Variants in TMEM108 observed in about 807,000 individuals in gnomAD.
TMEM108 encodes cancer/testis antigen 124.
In TMEM108, 12 loss-of-function variants were observed where a neutral mutation model predicts 35.1. The observed-to-expected ratio is 0.34, with a 90% CI of 0.22 to 0.55. TMEM108 has a LOEUF of 0.55. TMEM108 is among the 20% of genes least tolerant of loss of function. The probability of loss-of-function intolerance (pLI) is 0.89; values close to 1 mark genes in which losing one functional copy is unlikely to be tolerated. For missense variants in TMEM108, 680 were observed against 753.3 expected (o/e 0.90, Z 1.14); for synonymous variants, 287 against 308.6 (o/e 0.93, Z 0.73).
chr3:133,082,462 A>G (rs1390244050), intron 2 of TMEM108, among the ~76,000 whole-genome samples: 4 of 152,160 alleles, frequency 2.6e-5, no homozygotes, highest in African/African-American at 7.2e-5. Flanking sequence ...ACATCATTCA[A>G]TAATAACAAC....
intron 2 of TMEM108, among the ~76,000 whole-genome samples, chr3:133,206,817 G>A (rs1463199010): frequency 6.6e-6 from 1 of 152,208 alleles, no homozygotes; most frequent in African/African-American, 2.4e-5. Flanking sequence ...TCCTTTAGCA[G>A]ATCTTGAGCA....
chr3:133,255,873 C>T (rs1559883931), intron 3 of TMEM108, among the ~76,000 whole-genome samples: 2 of 152,108 alleles, frequency 1.3e-5, no homozygotes, highest in South Asian at 2.1e-4. Context: ...CCTGTCATCC[C>T]AGCTACTCAA....
At chr3:133,073,510 C>CTCTATATATATATATA in intron 2 of TMEM108, among the ~76,000 whole-genome samples, 37 of 43,898 alleles carry the variant, frequency 8.4e-4, no homozygotes, top group South Asian at 1.7e-3. Flanking sequence ...CTCTCTCTCT[C>CTCTATATATATATATA]TATATATATA....
At chr3:133,302,579 G>A (rs1947244336) in intron 3 of TMEM108, among the ~76,000 whole-genome samples, 1 of 151,568 alleles carries the variant, frequency 6.6e-6, no homozygotes, top group South Asian at 2.1e-4. Context: ...CCGCCACCAT[G>A]CCCAGCTAAT....
intron 3 of TMEM108, among the ~76,000 whole-genome samples, chr3:133,272,034 G>C (rs1217021657): frequency 1.3e-5 from 2 of 152,228 alleles, no homozygotes; most frequent in Non-Finnish European, 2.9e-5. Flanking sequence ...TAACTCTGCT[G>C]TAGGAGCTAA....
At chr3:133,282,234 A>G (rs897980975) in intron 3 of TMEM108, among the ~76,000 whole-genome samples, 1 of 152,154 alleles carries the variant, frequency 6.6e-6, no homozygotes, top group Non-Finnish European at 1.5e-5. Flanking sequence ...ACTCCAGCTG[A>G]GTTTTCTTGG....
chr3:133,259,712 G>A (rs1946598226), intron 3 of TMEM108, among the ~76,000 whole-genome samples: 1 of 152,198 alleles, frequency 6.6e-6, no homozygotes, highest in African/African-American at 2.4e-5. Flanking sequence ...CCGATACAGG[G>A]CCCAGTGGCC....
At chr3:133,192,705 G>C (rs1429283567) in intron 2 of TMEM108, 1 of 152,356 alleles carries the variant, frequency 6.6e-6, no homozygotes, top group African/African-American at 2.4e-5. Context: ...GACATTTCCT[G>C]TGGGGAGTTA....
At chr3:133,150,928 G>A (rs563648121) in intron 2 of TMEM108, among the ~76,000 whole-genome samples, 7 of 152,152 alleles carry the variant, frequency 4.6e-5, no homozygotes, top group Admixed American at 6.5e-5. Context: ...AACATTTCCT[G>A]GTCAGTCCCC....
At chr3:133,315,184 AG>A (rs1384626946) in intron 3 of TMEM108, among the ~76,000 whole-genome samples, 1 of 152,224 alleles carries the variant, frequency 6.6e-6, no homozygotes, top group African/African-American at 2.4e-5. Flanking sequence ...ATTCTACTGA[AG>A]AAAGTAAAGG....
At chr3:133,369,672 A>G (rs1451961818) in intron 3 of TMEM108, among the ~76,000 whole-genome samples, 1 of 152,232 alleles carries the variant, frequency 6.6e-6, no homozygotes, top group East Asian at 1.9e-4. Context: ...CCTCTCTCTA[A>G]GTGGACTCCA....
chr3:133,315,428 T>C (rs1204947429), intron 3 of TMEM108, among the ~76,000 whole-genome samples: 1 of 152,204 alleles, frequency 6.6e-6, no homozygotes, highest in Non-Finnish European at 1.5e-5. Context: ...CACCTGGGTC[T>C]GTGGAAGGAG....
chr3:133,185,132 A>G (rs564474954), intron 2 of TMEM108, among the ~76,000 whole-genome samples: 10 of 152,214 alleles, frequency 6.6e-5, no homozygotes, highest in African/African-American at 2.2e-4. Context: ...AATTTATCCT[A>G]GATTCTACTT....
intron 3 of TMEM108, among the ~76,000 whole-genome samples, chr3:133,328,058 T>C (rs2071351907): frequency 6.6e-6 from 1 of 152,198 alleles, no homozygotes; most frequent in South Asian, 2.1e-4. Flanking sequence ...GTTCCATTCA[T>C]CTGTCTCTGA....
At chr3:133,083,976 T>G (rs766950639) in intron 2 of TMEM108, among the ~76,000 whole-genome samples, 1 of 152,172 alleles carries the variant, frequency 6.6e-6, no homozygotes, top group African/African-American at 2.4e-5. Flanking sequence ...ACACTGAAGA[T>G]GAATCTCTTG....
At chr3:133,247,714 T>A (rs970167887) in intron 3 of TMEM108, 5 of 152,230 alleles carry the variant, frequency 3.3e-5, no homozygotes, top group Admixed American at 3.3e-4. Context: ...GGTACCCTTC[T>A]GTTTTCATGA....
At chr3:133,156,346 C>A (rs1901037) in intron 2 of TMEM108, among the ~76,000 whole-genome samples, 103,413 of 151,986 alleles carry the variant, frequency 0.68, 35,539 homozygotes, top group African/African-American at 0.75. Flanking sequence ...TTAGAGATAC[C>A]GTACATGTAT....
chr3:133,256,878 A>G (rs745900706), intron 3 of TMEM108: 8 of 152,220 alleles, frequency 5.3e-5, no homozygotes, highest in African/African-American at 7.2e-5. Flanking sequence ...TGAAATTACT[A>G]TAACCTTAAT....
chr3:133,176,318 G>C (rs556968275), intron 2 of TMEM108, among the ~76,000 whole-genome samples: 1 of 152,124 alleles, frequency 6.6e-6, no homozygotes, highest in Non-Finnish European at 1.5e-5. Flanking sequence ...TGCACCAAGT[G>C]GACCTAATAG....
Sources: gnomAD v4.1 joint callset for allele counts (sites outside exome capture counted in the v4.1 genomes callset) on GRCh38, gnomAD v4.1.1 for gene constraint, MANE v1.5 for transcripts, NCBI Gene and HGNC (gene_info 2026-07-23, HGNC 2026-07-21) for gene names.